PRSS21: variants seen among roughly 807,000 people sequenced by gnomAD.
The protein encoded by PRSS21 is serine protease 21.
A neutral mutation model predicts 31.1 loss-of-function variants in PRSS21; 40 were observed. The ratio of observed to expected loss-of-function variants is 1.29; its 90% CI spans 1.00 to 1.68. PRSS21 has a LOEUF of 1.68. Ranked by LOEUF, PRSS21 falls within the 40% of genes most tolerant of loss-of-function variation. The pLI, the probability that PRSS21 is intolerant of heterozygous loss-of-function variation, is 0.00. For synonymous variants in PRSS21, 186 were observed against 167.7 expected, an observed-to-expected ratio of 1.11 and a Z score of -0.84; for missense variants, 467 against 412.6, an observed-to-expected ratio of 1.13 and a Z score of -1.14.
At chr16:2,820,854 A>T in intron 4 of PRSS21, 101 bp from the exon 5 acceptor site, 1 of 1,253,200 alleles carries the variant, frequency 8.0e-7, no homozygotes, top group Non-Finnish European at 1.1e-6. Context: ...CCTGCCAGGC[A>T]CAGTGGGTGC....
At chr16:2,819,045 C>T in intron 4 of PRSS21, 76 bp downstream of exon 4, 1 of 1,527,492 alleles carries the variant, frequency 6.5e-7, no homozygotes, top group Admixed American at 1.8e-5. Flanking sequence ...CAATAGCCCC[C>T]TGCTTGGTCT....
chr16:2,821,108 T>C lies in PRSS21; in HGVS notation c.704T>C (p.Phe235Ser), dbSNP rs778805016. The C allele has an allele frequency of 6.2e-7, 1 of 1,613,824 alleles. No homozygotes were observed. The highest frequency in any genetic ancestry group is 8.5e-7 in the Non-Finnish European group (1 of 1,179,984). ...GCCCAAGGCGGGAAGGATGCCTGCT[T>C]CGTGAGTGTCCTTGCCACCACTCCC... is the stretch of plus-strand genomic sequence containing the variant. ...GNAQGGKDACFGDSGGPLACN... is the reference protein window; with the variant it reads ...GNAQGGKDACSGDSGGPLACN... Residue 235 changes from phenylalanine (F) to serine (S), a missense_variant and splice_region_variant, in exon 5 of 6, where the codon TTC (phenylalanine) becomes TCC (serine). Coordinates refer to ENST00000005995, the MANE Select transcript of PRSS21 (RefSeq NM_006799.4).
Position 2,821,558 on chromosome 16 carries a change from C to T in PRSS21, c.898C>T (p.Leu300Phe), listed in dbSNP as rs774057105. The change falls in exon 6 of 6, where the codon CTC (leucine) becomes TTC (phenylalanine). Residue 300 changes from leucine to phenylalanine, a missense_variant. Coordinates refer to ENST00000005995, the MANE Select transcript of PRSS21 (RefSeq NM_006799.4). ...CCAGCCAGACCCCTCCTGGCCGCTA[C>T]TCTTTTTCCCTCTTCTCTGGGCTCT... ...MSQPDPSWPL[L>F]FFPLLWALPL... 6.2e-7 allele frequency: 1 copy of T among 1,614,130 alleles called. No individual in the cohort carries two copies.
chr16:2,821,425 C>G lies in PRSS21; in HGVS notation c.765C>G (p.Val255=), dbSNP rs1054469418. The part of the protein sequence containing the change: ...NKNGLWYQIG[V]VSWGVGCGRP... ...ATGGACTGTGGTATCAGATTGGAGT[C>G]GTGAGCTGGGGAGTGGGCTGTGGTC... The change falls in exon 6 of 6, where the codon GTC becomes GTG. Residue 255 remains valine, a synonymous_variant. Coordinates refer to ENST00000005995, the MANE Select transcript of PRSS21 (RefSeq NM_006799.4). 1 of 1,614,220 alleles carries G rather than the reference C, an allele frequency of 6.2e-7. No individual in the cohort carries two copies. Among genetic ancestry groups the G allele is most frequent in the East Asian group, 2.2e-5 (1 of 44,880 alleles).
chr16:2,818,229 C>A (rs1325936260), intron 3 of PRSS21, among the ~76,000 whole-genome samples: 1 of 152,176 alleles, frequency 6.6e-6, no homozygotes, highest in Non-Finnish European at 1.5e-5. Context: ...TGGGTATTCT[C>A]TCCCTTTTTC....
rs139303479 is a variant in PRSS21, at chr16:2,821,102, C to T, written c.698C>T (p.Ala233Val). The change falls in exon 5 of 6, where the codon GCC (alanine) becomes GTC (valine). Residue 233 changes from alanine to valine, a missense_variant. Coordinates refer to ENST00000005995, the MANE Select transcript of PRSS21 (RefSeq NM_006799.4). ...GGCAATGCCCAAGGCGGGAAGGATG[C>T]CTGCTTCGTGAGTGTCCTTGCCACC... Reference protein sequence around the residue: ...CAGNAQGGKDACFGDSGGPLA... With the variant: ...CAGNAQGGKDVCFGDSGGPLA... 57 of 1,613,936 alleles carry T rather than the reference C, an allele frequency of 3.5e-5. No individual in the cohort carries two copies. Among genetic ancestry groups the T allele is most frequent in the Admixed American group, 1.7e-4 (10 of 60,018 alleles).
At chr16:2,819,926 G>A (rs2069142860) in intron 4 of PRSS21, among the ~76,000 whole-genome samples, 1 of 152,198 alleles carries the variant, frequency 6.6e-6, no homozygotes, top group African/African-American at 2.4e-5. Flanking sequence ...GCCTCCCTCT[G>A]GAGGAGGGAT....
chr16:2,817,603 GAC>G lies in PRSS21; in HGVS notation c.91+148_91+149del. 1 of 1,332,108 alleles carries G rather than the reference GAC, an allele frequency of 7.5e-7. No homozygotes were observed. The highest frequency in any genetic ancestry group is 1.0e-6 in the Non-Finnish European group (1 of 992,948). 82.5% of individuals were successfully genotyped at this position (1,332,108 alleles called of 1,614,324 possible). A position where few individuals can be genotyped will look rare whatever the true frequency, so the allele number is the denominator to read the frequency against. On this transcript the variant is annotated intron_variant, in intron 2 of 5. Transcript: ENST00000005995. This position sits in a 1 kb window ranked among gnomAD's most constrained non-coding sequence, Gnocchi z 4.2. ...CTGTTGGCGTGGAAAGTAACTAACG[GAC>G]GCTGGAGGGGGATGGGCGGGCCCTG...
chr16:2,821,266 T>C, intron 5 of PRSS21, 100 bp from the exon 6 acceptor site: 8 of 1,539,212 alleles, frequency 5.2e-6, no homozygotes, highest in Non-Finnish European at 7.1e-6. Context: ...GAGGAGGATG[T>C]GCACCCAGTC....
intron 4 of PRSS21, among the ~76,000 whole-genome samples, chr16:2,819,934 GA>G (rs971603352): frequency 6.6e-6 from 1 of 152,192 alleles, no homozygotes; most frequent in African/African-American, 2.4e-5. Flanking sequence ...CTGGAGGAGG[GA>G]TCCTTTGCCT....
chr16:2,818,904 C>A lies in PRSS21; in HGVS notation c.485C>A (p.Thr162Lys). Residue 162 changes from threonine (T) to lysine (K), a missense_variant, in exon 4 of 6, where the codon ACA (threonine) becomes AAA (lysine). Thr to Lys is a moderately conservative substitution (Grantham distance 78). Coordinates refer to ENST00000005995, the MANE Select transcript of PRSS21 (RefSeq NM_006799.4). ...CAGCCCATCTGTCTCCAGGCCTCCA[C>A]ATTTGAGTTTGAGAACCGGACAGAC... Reference protein sequence around the residue: ...HIQPICLQASTFEFENRTDCW... With the variant: ...HIQPICLQASKFEFENRTDCW... 6.2e-7 allele frequency: 1 copy of A among 1,614,240 alleles called. No homozygotes were observed. Among genetic ancestry groups the A allele is most frequent in the African/African-American group, 1.3e-5 (1 of 75,066 alleles).
chr16:2,817,533 G>T lies in PRSS21; in HGVS notation c.91+77G>T. The T allele has an allele frequency of 7.2e-7, 1 of 1,385,080 alleles. No individual in the cohort carries two copies. The allele number at this position is 1,385,080 out of a possible 1,614,324, so 85.8% of individuals were successfully genotyped here. A position where few individuals can be genotyped will look rare whatever the true frequency, so the allele number is the denominator to read the frequency against. On this transcript the variant is annotated intron_variant, in intron 2 of 5. Transcript: ENST00000005995. The surrounding 1 kb of genome is among the most constrained non-coding windows in gnomAD (Gnocchi z 4.2). ...ACGGGGGGCGGTGAGGGGGTAGAGG[G>T]GGGCCTTTACTGCTCTCTCGCCCCC...
At position 2,821,452 on chromosome 16, in the gene PRSS21, G is replaced by A; in HGVS notation, c.792G>A (p.Arg264=). ...TGAGCTGGGGAGTGGGCTGTGGTCG[G>A]CCCAATCGGCCCGGTGTCTACACCA... ...GVVSWGVGCG[R]PNRPGVYTNI... Residue 264 remains arginine (R), a synonymous_variant, in exon 6 of 6, where the codon CGG becomes CGA. Coordinates refer to ENST00000005995, the MANE Select transcript of PRSS21 (RefSeq NM_006799.4). 6.2e-7 allele frequency: 1 copy of A among 1,614,204 alleles called. No individual in the cohort carries two copies. Among genetic ancestry groups the A allele is most frequent in the Admixed American group, 1.7e-5 (1 of 60,030 alleles).
chr16:2,820,904 T>C (rs1202670992), intron 4 of PRSS21, 51 bp from the exon 5 acceptor site: 2 of 1,586,308 alleles, frequency 1.3e-6, no homozygotes, highest in Non-Finnish European at 1.7e-6. Context: ...CATCCCTCCA[T>C]AGAGGGGCCT....
chr16:2,821,204 T>G (rs2069169593), intron 5 of PRSS21, 95 bp downstream of exon 5: 1 of 1,557,464 alleles, frequency 6.4e-7, no homozygotes, highest in Admixed American at 1.7e-5. Flanking sequence ...GTGGAGACTG[T>G]TGCCCCACTC....
rs1470546858 is a variant in PRSS21, at chr16:2,817,643, GA to G, written c.92-157del. 7 of 1,262,382 alleles carry G rather than the reference GA, an allele frequency of 5.5e-6. No individual in the cohort carries two copies. Among genetic ancestry groups the G allele is most frequent in the African/African-American group, 1.5e-5 (1 of 67,100 alleles). 78.2% of individuals were successfully genotyped at this position (1,262,382 alleles called of 1,614,324 possible). ...TGGGCGGGCCCTGCAGAGCACGTGGGAGGATCTCCAGTGTCACCTACTTCCT... is the reference window on the plus strand; with the variant it reads ...TGGGCGGGCCCTGCAGAGCACGTGGGGGATCTCCAGTGTCACCTACTTCCT... On this transcript the variant is annotated intron_variant, in intron 2 of 5. Transcript: ENST00000005995. The surrounding 1 kb of genome is among the most constrained non-coding windows in gnomAD (Gnocchi z 4.2).
At chr16:2,819,421 G>A (rs566045074) in intron 4 of PRSS21, among the ~76,000 whole-genome samples, 4 of 152,252 alleles carry the variant, frequency 2.6e-5, no homozygotes, top group Non-Finnish European at 4.4e-5. Context: ...ATGCTCAACC[G>A]CAGCTCCCAC....
At chr16:2,818,289 G>T (rs2069113885) in intron 3 of PRSS21, among the ~76,000 whole-genome samples, 1 of 152,198 alleles carries the variant, frequency 6.6e-6, no homozygotes, top group African/African-American at 2.4e-5. Context: ...CCCCCCTCCT[G>T]GTGGACGGTG....
Position 2,818,687 on chromosome 16 carries a change from C to G in PRSS21, c.268C>G (p.Leu90Val), listed in dbSNP as rs761289786. The change falls in exon 4 of 6, where the codon CTT (leucine) becomes GTT (valine). Residue 90 changes from leucine to valine, a missense_variant. Transcript: ENST00000005995. ...CTTCTCTTCTGCCAGCTATAGTGAC[C>G]TTAGTGATCCCTCCGGGTGGATGGT... is the stretch of plus-strand genomic sequence containing the variant. ...AAHCFETYSDLSDPSGWMVQF... is the reference protein window; with the variant it reads ...AAHCFETYSDVSDPSGWMVQF... 6.2e-7 allele frequency: 1 copy of G among 1,614,058 alleles called. No homozygotes were observed. The highest frequency in any genetic ancestry group is 8.5e-7 in the Non-Finnish European group (1 of 1,179,938).
Sources: allele counts gnomAD v4.1 joint callset (sites outside exome capture counted in the v4.1 genomes callset), GRCh38; gene constraint gnomAD v4.1.1; non-coding constraint Gnocchi (gnomAD v3.1); transcripts MANE v1.5; gene names NCBI Gene and HGNC (gene_info 2026-07-23, HGNC 2026-07-21).